CXCL13: variants seen among roughly 807,000 people sequenced by gnomAD.
CXCL13 encodes C-X-C motif chemokine 13.
CXCL13 carries 7 observed loss-of-function variants against 12.2 expected under a neutral mutation model. That is an observed-to-expected ratio of 0.57 (90% CI 0.33 to 1.07). The LOEUF is 1.07. Ranked by LOEUF, CXCL13 falls within the 50% of genes least tolerant of loss-of-function variation. The probability of loss-of-function intolerance (pLI) is 0.04; values close to 1 mark genes in which losing one functional copy is unlikely to be tolerated. For synonymous variants in CXCL13, 47 were observed against 42.4 expected (o/e 1.11, Z -0.42); for missense variants, 113 against 127.4 (o/e 0.89, Z 0.55).
In CXCL13 at chr4:77,611,819, C is replaced by T; in HGVS notation, c.*780C>T. 1 of 397,400 alleles carries T rather than the reference C, an allele frequency of 2.5e-6. No homozygotes were observed. Among genetic ancestry groups the T allele is most frequent in the Non-Finnish European group, 4.4e-6 (1 of 225,736 alleles). The allele number at this position is 397,400 out of a possible 1,614,324, so 24.6% of individuals were successfully genotyped here. On this transcript the variant is annotated 3_prime_UTR_variant, in exon 4 of 4. Coordinates refer to ENST00000682537, the MANE Select transcript of CXCL13 (RefSeq NM_001371558.1). ...TCTAATGACATTCAATAAAGTTGAGCAAACATTTTACTTAATTATGAGCAA... is the reference window on the plus strand; with the variant it reads ...TCTAATGACATTCAATAAAGTTGAGTAAACATTTTACTTAATTATGAGCAA...
chr4:77,549,828 C>T (rs1725462645), intron 1 of CXCL13, among the ~76,000 whole-genome samples: 1 of 152,226 alleles, frequency 6.6e-6, no homozygotes, highest in South Asian at 2.1e-4. Flanking sequence ...TCTGTCTGTT[C>T]TCAGATCTCA....
intron 1 of CXCL13, among the ~76,000 whole-genome samples, chr4:77,521,800 G>C (rs1333741598): frequency 6.6e-6 from 1 of 152,032 alleles, no homozygotes; most frequent in African/African-American, 2.4e-5. Flanking sequence ...TAATTGTGAT[G>C]TTAGGATGTC....
chr4:77,555,827 T>G (rs1482434071), intron 1 of CXCL13, among the ~76,000 whole-genome samples: 2 of 152,136 alleles, frequency 1.3e-5, no homozygotes, highest in East Asian at 1.9e-4. Flanking sequence ...ATTTGACATT[T>G]TAAAAAGATG....
chr4:77,585,826 A>G (rs1726443123), intron 1 of CXCL13, among the ~76,000 whole-genome samples: 1 of 152,172 alleles, frequency 6.6e-6, no homozygotes, highest in South Asian at 2.1e-4. Flanking sequence ...TTCTGCTTCC[A>G]TAGGGCACGC....
chr4:77,582,897 G>A (rs1041285948), intron 1 of CXCL13, among the ~76,000 whole-genome samples: 1 of 152,056 alleles, frequency 6.6e-6, no homozygotes, highest in African/African-American at 2.4e-5. Context: ...TGGACTTTTG[G>A]AACACCAACC....
At chr4:77,539,372 C>T (rs1378302428) in intron 1 of CXCL13, among the ~76,000 whole-genome samples, 7 of 152,200 alleles carry the variant, frequency 4.6e-5, no homozygotes, top group Admixed American at 4.6e-4. Context: ...AGTGATCCGC[C>T]CATCTTGGCC....
At chr4:77,585,683 G>A (rs1483364122) in intron 1 of CXCL13, among the ~76,000 whole-genome samples, 9 of 152,142 alleles carry the variant, frequency 5.9e-5, no homozygotes, top group Non-Finnish European at 1.2e-4. Context: ...CTAATGATAG[G>A]TCACCATAGT....
At chr4:77,568,330 A>G (rs1725985022) in intron 1 of CXCL13, among the ~76,000 whole-genome samples, 1 of 152,100 alleles carries the variant, frequency 6.6e-6, no homozygotes, top group African/African-American at 2.4e-5. Flanking sequence ...GCAGTCTCCC[A>G]TTGTCTGGGT....
At chr4:77,571,894 G>C (rs539546456) in intron 1 of CXCL13, among the ~76,000 whole-genome samples, 1 of 151,626 alleles carries the variant, frequency 6.6e-6, no homozygotes, top group African/African-American at 2.4e-5. Context: ...GCGAGCCCAC[G>C]AGCCCACCAG....
chr4:77,578,670 T>C (rs1726248007), intron 1 of CXCL13, among the ~76,000 whole-genome samples: 1 of 152,266 alleles, frequency 6.6e-6, no homozygotes, highest in East Asian at 1.9e-4. Flanking sequence ...AGAGTTTTTC[T>C]TTTTTCTTTT....
In CXCL13 at chr4:77,611,437, G is replaced by A. The variant is rs1407330831; in HGVS notation, c.*398G>A. 2.1e-5 allele frequency: 8 copies of A among 384,244 alleles called. No individual in the cohort carries two copies. Among genetic ancestry groups the A allele is most frequent in the Non-Finnish European group, 2.7e-5 (6 of 218,366 alleles). The allele number at this position is 384,244 out of a possible 1,614,324, so 23.8% of individuals were successfully genotyped here. ...AAATTATGGCATATATTAAAAGCAG[G>A]CTTCTATGAAAGACTCAAAAAGCTG... On this transcript the variant is annotated 3_prime_UTR_variant, in exon 4 of 4. Transcript: ENST00000682537.
intron 1 of CXCL13, among the ~76,000 whole-genome samples, chr4:77,551,956 A>C (rs1725535125): frequency 6.6e-6 from 1 of 152,090 alleles, no homozygotes; most frequent in African/African-American, 2.4e-5. Flanking sequence ...ATTTCTTTTT[A>C]AAATATTTAT....
intron 1 of CXCL13, among the ~76,000 whole-genome samples, chr4:77,527,530 G>A (rs1196929510): frequency 6.6e-6 from 1 of 152,114 alleles, no homozygotes; most frequent in African/African-American, 2.4e-5. Context: ...TACTTGGGAG[G>A]CTGAGGTGGG....
At chr4:77,564,104 C>A (rs970786270) in intron 1 of CXCL13, among the ~76,000 whole-genome samples, 1 of 152,106 alleles carries the variant, frequency 6.6e-6, no homozygotes, top group South Asian at 2.1e-4. Context: ...ATTATGAACC[C>A]GGTCCCATTT....
chr4:77,573,398 GTGTGTGTGTGTGTA>G (rs1281534333), intron 1 of CXCL13, among the ~76,000 whole-genome samples: 32 of 149,194 alleles, frequency 2.1e-4, no homozygotes, highest in African/African-American at 7.4e-4. Context: ...GTGTGTGTGT[GTGTGTGTGTGTGTA>G]TGTCTAAATG....
intron 1 of CXCL13, among the ~76,000 whole-genome samples, chr4:77,545,635 A>G (rs1001367169): frequency 1.3e-5 from 2 of 152,224 alleles, no homozygotes; most frequent in Admixed American, 1.3e-4. Flanking sequence ...TATCAGCTTA[A>G]GGAGATTTTG....
intron 1 of CXCL13, among the ~76,000 whole-genome samples, chr4:77,566,353 C>T (rs1286351956): frequency 1.3e-5 from 2 of 152,160 alleles, no homozygotes; most frequent in Non-Finnish European, 2.9e-5. Flanking sequence ...TAAAGCAAAC[C>T]ATTGCACAAA....
intron 1 of CXCL13, among the ~76,000 whole-genome samples, chr4:77,559,169 T>C (rs1022708633): frequency 2.0e-5 from 3 of 152,170 alleles, no homozygotes; most frequent in Non-Finnish European, 2.9e-5. Context: ...TTGGACTCTC[T>C]AGGAAGCAGA....
Position 77,610,652 on chromosome 4 carries a change from C to T in CXCL13, c.236C>T (p.Pro79Leu), listed in dbSNP as rs1419620460. 7 of 1,613,608 alleles carry T rather than the reference C, an allele frequency of 4.3e-6. No individual in the cohort carries two copies. In the Admixed American group the frequency reaches 6.7e-5, roughly 15 times the overall value. The change falls in exon 3 of 4, where the codon CCT becomes CTT. Residue 79 changes from proline (P) to leucine (L), a missense_variant. By Grantham distance (98) the Pro-to-Leu change is moderately conservative. Transcript: ENST00000682537. ...AACAAGTCAATTGTGTGTGTGGACC[C>T]TCAAGCTGAATGGATACAAAGAATG... ...KKNKSIVCVDPQAEWIQRMME... is the reference protein window; with the variant it reads ...KKNKSIVCVDLQAEWIQRMME...
Sources: allele counts gnomAD v4.1 joint callset (sites outside exome capture counted in the v4.1 genomes callset), GRCh38; gene constraint gnomAD v4.1.1; transcripts MANE v1.5; gene names NCBI Gene and HGNC (gene_info 2026-07-23, HGNC 2026-07-21).